The following RHOA variants were observed in gnomAD, a reference collection of about 807,000 sequenced individuals.
RHOA encodes transforming protein RhoA.
Under a neutral mutation model 17.5 loss-of-function variants are expected in RHOA, and 3 were observed. The ratio of observed to expected loss-of-function variants is 0.17; its 90% CI spans 0.08 to 0.44. The LOEUF (loss-of-function observed/expected upper bound fraction) is 0.44. Among genes scored for constraint, RHOA ranks in the 20% least tolerant of loss-of-function variants. RHOA has a pLI of 0.99. For missense variants in RHOA, 56 were observed against 242.3 expected, an observed-to-expected ratio of 0.23 and a Z score of 5.10; for synonymous variants, 98 against 88.4, an observed-to-expected ratio of 1.11 and a Z score of -0.61.
At chr3:49,375,203 T>C (rs1449179068) in intron 2 of RHOA, among the ~76,000 whole-genome samples, 1 of 150,646 alleles carries the variant, frequency 6.6e-6, no homozygotes, top group Non-Finnish European at 1.5e-5. Context: ...GAGGTTGCAG[T>C]GAGCCAAGAC....
At chr3:49,379,646 C>G (rs972621150) in intron 1 of RHOA, among the ~76,000 whole-genome samples, 1 of 152,060 alleles carries the variant, frequency 6.6e-6, no homozygotes, top group African/African-American at 2.4e-5. Context: ...TCCCAAGTAG[C>G]TGGAACTAAA....
chr3:49,388,005 C>A (rs1459814178), intron 1 of RHOA, among the ~76,000 whole-genome samples: 1 of 150,848 alleles, frequency 6.6e-6, no homozygotes, highest in Admixed American at 6.6e-5. Context: ...GGATGGCTTT[C>A]TCTTTTTTTT....
intron 1 of RHOA, among the ~76,000 whole-genome samples, chr3:49,405,955 G>A (rs1232029115): frequency 6.6e-6 from 1 of 152,144 alleles, no homozygotes; most frequent in Non-Finnish European, 1.5e-5. Context: ...AAAGTGCTGG[G>A]ATAACTGGCA....
intron 1 of RHOA, among the ~76,000 whole-genome samples, chr3:49,393,676 CTGTGTGTGTGTG>C (rs71080504): frequency 1.2e-3 from 12 of 10,358 alleles, no homozygotes; most frequent in African/African-American, 2.6e-3. Context: ...AATTCTCTCT[CTGTGTGTGTGTG>C]TGTGTGTGTG....
intron 1 of RHOA, among the ~76,000 whole-genome samples, chr3:49,404,268 A>G (rs1462704854): frequency 6.9e-6 from 1 of 143,996 alleles, no homozygotes; most frequent in Non-Finnish European, 1.5e-5. Flanking sequence ...GTGCCACTGC[A>G]CTCCAGCCTA....
intron 1 of RHOA, among the ~76,000 whole-genome samples, chr3:49,393,665 AAATT>A (rs2048552536): frequency 9.2e-3 from 2 of 218 alleles, no homozygotes; most frequent in Non-Finnish European, 0.12. Flanking sequence ...CCCTTGTCTC[AAATT>A]CTCTCTCTGT....
Position 49,359,392 on chromosome 3 carries a change from ATTT to A in RHOA, c.*814_*816del, listed in dbSNP as rs1352455648. Reference sequence around the variant, plus strand: ...TGCCTCAGGCGTGAAACCAATTCCTATTTACTTAGCCCAGCTCCATGGGGTACT... The same window carrying A: ...TGCCTCAGGCGTGAAACCAATTCCTAACTTAGCCCAGCTCCATGGGGTACT... On this transcript the variant is annotated 3_prime_UTR_variant, in exon 5 of 5. Coordinates refer to ENST00000418115, the MANE Select transcript of RHOA (RefSeq NM_001664.4). The A allele has an allele frequency of 5.3e-6, 1 of 187,284 alleles. No individual in the cohort carries two copies. The highest frequency in any genetic ancestry group is 1.1e-5 in the Non-Finnish European group (1 of 88,596). The allele number at this position is 187,284 out of a possible 1,614,324, so 11.6% of individuals were successfully genotyped here.
intron 1 of RHOA, among the ~76,000 whole-genome samples, chr3:49,402,484 G>T (rs2048741935): frequency 6.6e-6 from 1 of 152,040 alleles, no homozygotes; most frequent in South Asian, 2.1e-4. Flanking sequence ...GACCAGCCTG[G>T]ACAACATGGC....
At chr3:49,401,604 G>A (rs1313472821) in intron 1 of RHOA, among the ~76,000 whole-genome samples, 2 of 151,576 alleles carry the variant, frequency 1.3e-5, no homozygotes, top group African/African-American at 4.9e-5. Flanking sequence ...AAAACATAGA[G>A]CTGTTTATTT....
At position 49,411,844 on chromosome 3, in the gene RHOA, C is replaced by T. The variant is rs2107922200; in HGVS notation, c.-27G>A. 6.6e-6 allele frequency: 1 copy of T among 152,246 alleles called. No individual in the cohort carries two copies. Among genetic ancestry groups the T allele is most frequent in the African/African-American group, 2.4e-5 (1 of 41,542 alleles). 9.4% of individuals were successfully genotyped at this position (152,246 alleles called of 1,614,324 possible). On this transcript the variant is annotated 5_prime_UTR_variant, in exon 1 of 5. Transcript: ENST00000418115. Reference sequence around the variant, plus strand: ...CCTCAGGCAACGAATCCGAGTCCAGCCTCTTCGCGCCGGGGACGCCGGTCC... The same window carrying T: ...CCTCAGGCAACGAATCCGAGTCCAGTCTCTTCGCGCCGGGGACGCCGGTCC...
intron 2 of RHOA, among the ~76,000 whole-genome samples, chr3:49,369,172 C>T (rs1220662307): frequency 6.7e-6 from 1 of 149,520 alleles, no homozygotes; most frequent in African/African-American, 2.5e-5. Flanking sequence ...TACAGGCGCC[C>T]GCCACCACGC....
chr3:49,405,013 G>A (rs2048802349), intron 1 of RHOA, among the ~76,000 whole-genome samples: 2 of 151,138 alleles, frequency 1.3e-5, no homozygotes, highest in Non-Finnish European at 3.0e-5. Context: ...TTTGGGAGGC[G>A]GAGGCAGGCA....
intron 1 of RHOA, among the ~76,000 whole-genome samples, chr3:49,397,762 G>T (rs2048642377): frequency 6.6e-6 from 1 of 152,136 alleles, no homozygotes; most frequent in Non-Finnish European, 1.5e-5. Context: ...GCAAGTGGAA[G>T]GGCTGACCTT....
At chr3:49,407,232 G>GTTTTTTTTTTTTT (rs61556875) in intron 1 of RHOA, among the ~76,000 whole-genome samples, 2 of 70,020 alleles carry the variant, frequency 2.9e-5, no homozygotes, top group Non-Finnish European at 2.5e-5. Context: ...AATCCTTTCC[G>GTTTTTTTTTTTTT]TTTTTTTTTT....
chr3:49,400,014 C>T (rs891865215), intron 1 of RHOA, among the ~76,000 whole-genome samples: 1 of 151,640 alleles, frequency 6.6e-6, no homozygotes, highest in Admixed American at 6.6e-5. Context: ...AGTTCGAGAC[C>T]AGCCTGACCA....
At chr3:49,370,003 G>T (rs982933823) in intron 2 of RHOA, among the ~76,000 whole-genome samples, 3 of 151,816 alleles carry the variant, frequency 2.0e-5, no homozygotes, top group Non-Finnish European at 4.4e-5. Context: ...GGAGGCGGAG[G>T]TTGCAATGAG....
intron 1 of RHOA, among the ~76,000 whole-genome samples, chr3:49,408,250 A>T (rs534226717): frequency 2.4e-4 from 32 of 131,546 alleles, no homozygotes; most frequent in Admixed American, 5.3e-4. Context: ...GTATATGTAC[A>T]CATATATATA....
chr3:49,411,282 T>G (rs997756171), intron 1 of RHOA, among the ~76,000 whole-genome samples: 2 of 152,210 alleles, frequency 1.3e-5, no homozygotes, highest in Non-Finnish European at 2.9e-5. Flanking sequence ...TTTTACTTAC[T>G]TACACAGTCT....
intron 1 of RHOA, among the ~76,000 whole-genome samples, chr3:49,387,840 G>A (rs1343486973): frequency 1.3e-5 from 2 of 150,264 alleles, no homozygotes; most frequent in Non-Finnish European, 3.0e-5. Flanking sequence ...TCTTTTTTCT[G>A]TACACACCAG....
Sources: allele counts gnomAD v4.1 joint callset (sites outside exome capture counted in the v4.1 genomes callset), GRCh38; gene constraint gnomAD v4.1.1; transcripts MANE v1.5; gene names NCBI Gene and HGNC (gene_info 2026-07-23, HGNC 2026-07-21).